ACOX2: variants seen among roughly 807,000 people sequenced by gnomAD.
ACOX2 encodes acyl-CoA oxidase 2, also known as peroxisomal acyl-coenzyme A oxidase 2.
ACOX2 carries 59 observed loss-of-function variants against 77.5 expected under a neutral mutation model. That is an observed-to-expected ratio of 0.76 (90% CI 0.62 to 0.95). The LOEUF is 0.95. Ranked by LOEUF, ACOX2 falls within the 40% of genes least tolerant of loss-of-function variation. The probability of loss-of-function intolerance (pLI) is 0.00; values close to 1 mark genes in which losing one functional copy is unlikely to be tolerated. For synonymous variants in ACOX2, 317 were observed against 340.1 expected, an observed-to-expected ratio of 0.93 and a Z score of 0.75; for missense variants, 837 against 880.4, an observed-to-expected ratio of 0.95 and a Z score of 0.62.
rs2063435109 is a variant in ACOX2, at chr3:58,531,133, T to C, written c.819+118A>G. On this transcript the variant is annotated intron_variant, in intron 7 of 14. Coordinates refer to ENST00000302819, the MANE Select transcript of ACOX2 (RefSeq NM_003500.4). This position sits in a 1 kb window ranked among gnomAD's most constrained non-coding sequence, Gnocchi z 5.8. ...ATCTGTGGGATATCAGAGCCTCTCTTGGGGGAGGAGGTTATGTGGCCCAAA... is the reference window on the plus strand; with the variant it reads ...ATCTGTGGGATATCAGAGCCTCTCTCGGGGGAGGAGGTTATGTGGCCCAAA... The C allele has an allele frequency of 3.6e-6, 3 of 825,038 alleles. No homozygotes were observed. The highest frequency in any genetic ancestry group is 5.7e-6 in the Non-Finnish European group (3 of 523,798). The allele number at this position is 825,038 out of a possible 1,614,324, so 51.1% of individuals were successfully genotyped here.
rs1220170985 is a variant in ACOX2, at chr3:58,530,654, A to G, written c.820-16T>C. 3.1e-6 allele frequency: 5 copies of G among 1,611,422 alleles called. No individual in the cohort carries two copies. Among genetic ancestry groups the G allele is most frequent in the Non-Finnish European group, 3.4e-6 (4 of 1,178,342 alleles). ...CTGGCAAGACCTGTGTGGAACAAGG[A>G]CGGGCACAAGTTCTGGGCCAAGGCT... On this transcript the variant is annotated splice_polypyrimidine_tract_variant and intron_variant, in intron 7 of 14. Coordinates refer to ENST00000302819, the MANE Select transcript of ACOX2 (RefSeq NM_003500.4).
At chr3:58,510,632 CAAAAAAAAAAAAAAAAAA>C (rs869206771) in intron 13 of ACOX2, among the ~76,000 whole-genome samples, 5 of 6,832 alleles carry the variant, frequency 7.3e-4, no homozygotes, top group African/African-American at 2.2e-3. Flanking sequence ...GACTCCCGCT[CAAAAAAAAAAAAAAAAAA>C]AAAAAAAAAA....
At chr3:58,508,828 G>C (rs1339652782) in intron 14 of ACOX2, 65 bp downstream of exon 14, 1 of 1,578,292 alleles carries the variant, frequency 6.3e-7, no homozygotes, top group African/African-American at 1.4e-5. Flanking sequence ...GGGAGAACAT[G>C]AAGGTGTATT....
In ACOX2 at chr3:58,534,579, G is replaced by C. The variant is rs7611026; in HGVS notation, c.161-57C>G. On this transcript the variant is annotated intron_variant, in intron 2 of 14. Transcript: ENST00000302819. The surrounding 1 kb of genome is among the most constrained non-coding windows in gnomAD (Gnocchi z 4.8). ...ACCTGGGTGAGGTTTCTGGCACCTT[G>C]AAATCTTCTCACCCACTTGCTTCAT... The C allele has an allele frequency of 0.92, 1,490,037 of 1,613,228 alleles. 691,426 individuals carry two copies. Among genetic ancestry groups the C allele is most frequent in the East Asian group, 1 (44,877 of 44,886 alleles).
Position 58,526,632 on chromosome 3 carries a change from T to A in ACOX2, c.1180A>T (p.Lys394Ter). 1.2e-6 allele frequency: 2 copies of A among 1,614,140 alleles called. No homozygotes were observed. Among genetic ancestry groups the A allele is most frequent in the Non-Finnish European group, 1.7e-6 (2 of 1,180,028 alleles). The change falls in exon 10 of 15, where the codon AAG (lysine) becomes TAG (stop). Residue 394 changes from lysine (K) to a stop codon, truncating the protein, a stop_gained. Coordinates refer to ENST00000302819, the MANE Select transcript of ACOX2 (RefSeq NM_003500.4). LOFTEE classifies it high-confidence loss of function. The surrounding 1 kb of genome is among the most constrained non-coding windows in gnomAD (Gnocchi z 4.3). ...GTGCAGAATTCTGACATCATGGCCT[T>A]CATGCCCGTGCTCAGTGCGTGGAGC... ...PELHALSTGM[K>*]AMMSEFCTQG...
intron 1 of ACOX2, among the ~76,000 whole-genome samples, chr3:58,536,848 T>A (rs2063485518): frequency 1.3e-5 from 2 of 152,168 alleles, no homozygotes; most frequent in Admixed American, 1.3e-4. Context: ...TTTTCACTTA[T>A]CCCCTTCTGA....
At position 58,531,570 on chromosome 3, in the gene ACOX2, A is replaced by T; in HGVS notation, c.703+123T>A. 6.9e-7 allele frequency: 1 copy of T among 1,458,074 alleles called. No individual in the cohort carries two copies. Among genetic ancestry groups the T allele is most frequent in the Non-Finnish European group, 9.3e-7 (1 of 1,076,956 alleles). 90.3% of individuals were successfully genotyped at this position (1,458,074 alleles called of 1,614,324 possible). ...GTTAGCACCAAGTCTGTCCAACTGG[A>T]CCGCTCCCTGCCCAAGGGAGACATG... On this transcript the variant is annotated intron_variant, in intron 6 of 14. Transcript: ENST00000302819. The surrounding 1 kb of genome is among the most constrained non-coding windows in gnomAD (Gnocchi z 5.8).
Position 58,533,428 on chromosome 3 carries a change from G to T in ACOX2, c.583+17C>A, listed in dbSNP as rs761279661. ...TACTTGGGGAGAGTTAAGGAAGGGG[G>T]GTGGATGTATACTCACAGTCTCCAG... On this transcript the variant is annotated intron_variant, in intron 5 of 14. Transcript: ENST00000302819. The surrounding 1 kb of genome is among the most constrained non-coding windows in gnomAD (Gnocchi z 5.6). 1.0e-5 allele frequency: 16 copies of T among 1,606,606 alleles called. No homozygotes were observed. Among genetic ancestry groups the T allele is most frequent in the African/African-American group, 2.7e-5 (2 of 74,800 alleles).
intron 12 of ACOX2, among the ~76,000 whole-genome samples, chr3:58,520,100 G>A (rs921173187): frequency 2.6e-5 from 4 of 152,234 alleles, no homozygotes; most frequent in Non-Finnish European, 2.9e-5. Flanking sequence ...TACATTGTGT[G>A]TGTTGGTTTA....
At chr3:58,529,997 G>T (rs2063424812) in intron 8 of ACOX2, among the ~76,000 whole-genome samples, 1 of 152,252 alleles carries the variant, frequency 6.6e-6, no homozygotes, top group Non-Finnish European at 1.5e-5. Flanking sequence ...CAGCTGGACA[G>T]AACGAGCTCA....
At position 58,530,525 on chromosome 3, in the gene ACOX2, C is replaced by T. The variant is rs148546235; in HGVS notation, c.933G>A (p.Lys311=). 1 of 1,614,266 alleles carries T rather than the reference C, an allele frequency of 6.2e-7. No homozygotes were observed. Residue 311 remains lysine, a synonymous_variant, in exon 8 of 15, where the codon AAG becomes AAA. Transcript: ENST00000302819. ...AGTAGCGCATGGCGATGACACAGGC[C>T]TTCTGCAGTATAGGGAGGATCTCCC... ...LSGEILPILQ[K]ACVIAMRYSV...
At position 58,533,738 on chromosome 3, in the gene ACOX2, T is replaced by C. The variant is rs545447633; in HGVS notation, c.476-186A>G. 36 of 668,814 alleles carry C rather than the reference T, an allele frequency of 5.4e-5. No homozygotes were observed. The South Asian group carries it at 6.4e-4, about 12-fold the overall frequency. The allele number at this position is 668,814 out of a possible 1,614,324, so 41.4% of individuals were successfully genotyped here. The stretch of plus-strand genomic sequence containing the variant: ...TGTGTGTGGGACACACAGTCCCCTA[T>C]AGCCAGTCCATGAGAAGGGGTGGCT... On this transcript the variant is annotated intron_variant, in intron 4 of 14. Transcript: ENST00000302819. The surrounding 1 kb of genome is among the most constrained non-coding windows in gnomAD (Gnocchi z 5.6).
intron 12 of ACOX2, among the ~76,000 whole-genome samples, chr3:58,517,664 T>A (rs1484585063): frequency 6.6e-6 from 1 of 151,948 alleles, no homozygotes; most frequent in Non-Finnish European, 1.5e-5. Context: ...AACATGGCCC[T>A]TGTTTTCTTT....
intron 12 of ACOX2, among the ~76,000 whole-genome samples, chr3:58,520,906 C>T (rs2063353593): frequency 6.6e-6 from 1 of 152,192 alleles, no homozygotes; most frequent in East Asian, 1.9e-4. Context: ...CAGCTATTTC[C>T]TACCTCTGGG....
chr3:58,524,580 T>G lies in ACOX2; in HGVS notation c.1372A>C (p.Thr458Pro). The change falls in exon 11 of 15, where the codon ACT (threonine) becomes CCT (proline). Residue 458 changes from threonine to proline, a missense_variant. Physicochemically the swap from Thr to Pro is conservative, Grantham distance 38. Transcript: ENST00000302819. The surrounding 1 kb of genome is among the most constrained non-coding windows in gnomAD (Gnocchi z 5.5). ...ARFLVKSYLQ[T>P]QMSPGSTPQR... The stretch of plus-strand genomic sequence containing the variant: ...GGCGTGGAGCCAGGGGACATCTGAG[T>G]CTGCAGGTAGCTCTTCACCAGGAAC... 6.2e-7 allele frequency: 1 copy of G among 1,613,924 alleles called. No homozygotes were observed. The highest frequency in any genetic ancestry group is 1.1e-5 in the South Asian group (1 of 91,076).
rs933949642 is a variant in ACOX2, at chr3:58,519,229, C to G, written c.1633-1806G>C. Among the ~76,000 whole-genome samples, 1 of 152,042 alleles carries G rather than the reference C, an allele frequency of 6.6e-6. No homozygotes were observed. Among genetic ancestry groups the G allele is most frequent in the African/African-American group, 2.4e-5 (1 of 41,398 alleles). ...CAAAACCCTGTCTCTACAAAAAATA[C>G]AAAAATTAGCCAGGTGTGGTGGTGC... On this transcript the variant is annotated intron_variant, in intron 12 of 14. Transcript: ENST00000302819. This position sits in a 1 kb window ranked among gnomAD's most constrained non-coding sequence, Gnocchi z 5.0.
chr3:58,526,734 A>T lies in ACOX2; in HGVS notation c.1156-78T>A. On this transcript the variant is annotated intron_variant, in intron 9 of 14. Transcript: ENST00000302819. This position sits in a 1 kb window ranked among gnomAD's most constrained non-coding sequence, Gnocchi z 4.3. ...GACCAACCCTGTGCACCACTTACTG[A>T]GCATCTACTCATGCCCAGCTCAGCT... The T allele has an allele frequency of 2.1e-6, 3 of 1,458,048 alleles. No individual in the cohort carries two copies. The South Asian group carries it at 3.8e-5, about 19-fold the overall frequency. 90.3% of individuals were successfully genotyped at this position (1,458,048 alleles called of 1,614,324 possible). A position where few individuals can be genotyped will look rare whatever the true frequency, so the allele number is the denominator to read the frequency against.
rs572819340 is a variant in ACOX2 at position 58,528,311 on chromosome 3, A to G, written c.1155+483T>C. The stretch of plus-strand genomic sequence containing the variant: ...TGTGAGCCAGATGTGTTTAGGAATC[A>G]GAGTAACTTTTGGATTATAGAGAGG... On this transcript the variant is annotated intron_variant, in intron 9 of 14. Coordinates refer to ENST00000302819, the MANE Select transcript of ACOX2 (RefSeq NM_003500.4). This position sits in a 1 kb window ranked among gnomAD's most constrained non-coding sequence, Gnocchi z 5.6. Among the ~76,000 whole-genome samples, 11 of 152,354 alleles carry G rather than the reference A, an allele frequency of 7.2e-5. No homozygotes were observed. Among genetic ancestry groups the G allele is most frequent in the South Asian group, 2.1e-4 (1 of 4,826 alleles).
chr3:58,521,251 G>A lies in ACOX2; in HGVS notation c.1632+1245C>T, dbSNP rs1272031019. On this transcript the variant is annotated intron_variant, in intron 12 of 14. Coordinates refer to ENST00000302819, the MANE Select transcript of ACOX2 (RefSeq NM_003500.4). The surrounding 1 kb of genome is among the most constrained non-coding windows in gnomAD (Gnocchi z 4.8). The stretch of plus-strand genomic sequence containing the variant: ...GGTGGAGGTGGTGGGTCACGTGGTG[G>A]TGCTCAACGTCCAGCCTGCCTGACC... 1.3e-5 allele frequency among the ~76,000 whole-genome samples: 2 copies of A among 152,166 alleles called. No individual in the cohort carries two copies. Among genetic ancestry groups the A allele is most frequent in the Non-Finnish European group, 2.9e-5 (2 of 68,020 alleles).
Sources: allele counts gnomAD v4.1 joint callset (sites outside exome capture counted in the v4.1 genomes callset), GRCh38; gene constraint gnomAD v4.1.1; non-coding constraint Gnocchi (gnomAD v3.1); transcripts MANE v1.5; gene names NCBI Gene and HGNC (gene_info 2026-07-23, HGNC 2026-07-21).